PPP2R5C: variants seen among roughly 807,000 people sequenced by gnomAD.
The protein encoded by PPP2R5C is serine/threonine-protein phosphatase 2A 56 kDa regulatory subunit gamma isoform.
PPP2R5C carries 7 observed loss-of-function variants against 68.9 expected under a neutral mutation model. The ratio of observed to expected loss-of-function variants is 0.10; its 90% confidence interval spans 0.06 to 0.19. The LOEUF (loss-of-function observed/expected upper bound fraction) is 0.19. PPP2R5C is among the 10% of genes least tolerant of loss of function. The pLI is 1.00. For synonymous variants in PPP2R5C, 210 were observed against 222.2 expected (o/e 0.95, Z 0.49); for missense variants, 348 against 641.3 (o/e 0.54, Z 4.94).
intron 7 of PPP2R5C, among the ~76,000 whole-genome samples, chr14:101,894,017 A>G (rs1462903425): frequency 6.6e-6 from 1 of 152,266 alleles, no homozygotes; most frequent in African/African-American, 2.4e-5. Context: ...AGCTTATGGT[A>G]GGGGCTAAAT....
At chr14:101,775,859 G>A (rs2037390189) in intron 2 of PPP2R5C, among the ~76,000 whole-genome samples, 1 of 151,704 alleles carries the variant, frequency 6.6e-6, no homozygotes, top group Non-Finnish European at 1.5e-5. Flanking sequence ...CCCAGCCAGA[G>A]ACTCCAGAAT....
intron 1 of PPP2R5C, chr14:101,836,082 A>C (rs1193957415): frequency 6.4e-6 from 4 of 620,536 alleles, no homozygotes; most frequent in Non-Finnish European, 8.6e-6. Context: ...AATTTTTTTA[A>C]TTACTTAAGG....
upstream of PPP2R5C, among the ~76,000 whole-genome samples, chr14:101,761,635 A>C (rs1037630053): frequency 7.6e-3 from 16 of 2,092 alleles, no homozygotes; most frequent in South Asian, 0.032. Context: ...GGGGGGTGGG[A>C]GGAGAGGGGC....
intron 1 of PPP2R5C, among the ~76,000 whole-genome samples, chr14:101,812,785 C>T (rs1202410307): frequency 6.6e-6 from 1 of 152,192 alleles, no homozygotes; most frequent in Admixed American, 6.5e-5. Context: ...GGCTATGGCC[C>T]AGCTTTCCCA....
At chr14:101,827,626 T>G (rs901762634) in intron 1 of PPP2R5C, among the ~76,000 whole-genome samples, 6 of 152,232 alleles carry the variant, frequency 3.9e-5, no homozygotes, top group Non-Finnish European at 7.3e-5. Flanking sequence ...GATTTGGATC[T>G]TGTCAATTTT....
chr14:101,870,885 T>A (rs1432217104), intron 2 of PPP2R5C, among the ~76,000 whole-genome samples: 1 of 152,224 alleles, frequency 6.6e-6, no homozygotes, highest in Non-Finnish European at 1.5e-5. Context: ...TCATTGTAAA[T>A]AGATCTGTTT....
chr14:101,811,738 A>G (rs774672135), intron 1 of PPP2R5C, among the ~76,000 whole-genome samples: 4 of 152,244 alleles, frequency 2.6e-5, no homozygotes, highest in Non-Finnish European at 4.4e-5. Flanking sequence ...ACTTATAAAT[A>G]ACATAAATCT....
At chr14:101,884,769 A>G (rs1269849544) in intron 5 of PPP2R5C, among the ~76,000 whole-genome samples, 1 of 152,162 alleles carries the variant, frequency 6.6e-6, no homozygotes. Context: ...AGGCTTCCTG[A>G]AACATCCCTT....
In PPP2R5C at chr14:101,859,968, G is replaced by C. The variant is rs537763516; in HGVS notation, c.294+3083G>C. Among the ~76,000 whole-genome samples, 10 of 150,194 alleles carry C rather than the reference G, an allele frequency of 6.7e-5. No individual in the cohort carries two copies. The South Asian group carries it at 1.7e-3, about 25-fold the overall frequency. Reference sequence around the variant, plus strand: ...TTATAGTTGTTGTACTCCTGATGCTGCTACTTTTAAGTATCCTGCTTATTA... The same window carrying C: ...TTATAGTTGTTGTACTCCTGATGCTCCTACTTTTAAGTATCCTGCTTATTA... On this transcript the variant is annotated intron_variant, in intron 2 of 13. Transcript: ENST00000334743.
chr14:101,847,605 A>G (rs988105911), intron 1 of PPP2R5C, among the ~76,000 whole-genome samples: 2 of 150,270 alleles, frequency 1.3e-5, no homozygotes, highest in Non-Finnish European at 3.0e-5. Context: ...TATGTATGGG[A>G]TGCGTTTGCG....
At chr14:101,848,259 G>A (rs1004644912) in intron 1 of PPP2R5C, among the ~76,000 whole-genome samples, 5 of 152,068 alleles carry the variant, frequency 3.3e-5, no homozygotes, top group Admixed American at 1.3e-4. Flanking sequence ...GGGGCCGGGC[G>A]TGGTGGCTTA....
chr14:101,811,861 A>AT (rs560201363), intron 1 of PPP2R5C, among the ~76,000 whole-genome samples: 140 of 150,404 alleles, frequency 9.3e-4, no homozygotes, highest in African/African-American at 3.1e-3. Context: ...AACCACATTG[A>AT]TTTTTTTTTT....
chr14:101,902,669 G>A (rs7151429), intron 9 of PPP2R5C, among the ~76,000 whole-genome samples: 3,517 of 152,320 alleles, frequency 0.023, 108 homozygotes, highest in Middle Eastern at 0.071. Context: ...GGGCCAGGTG[G>A]CGTGTGCAGC....
At chr14:101,907,965 G>A (rs746921853) in intron 10 of PPP2R5C, among the ~76,000 whole-genome samples, 11 of 152,142 alleles carry the variant, frequency 7.2e-5, no homozygotes, top group Non-Finnish European at 1.6e-4. Context: ...GAGGGTTGCC[G>A]CCCAGAAATT....
chr14:101,795,171 G>A, intron 3 of PPP2R5C, among the ~76,000 whole-genome samples: 1 of 152,120 alleles, frequency 6.6e-6, no homozygotes, highest in South Asian at 2.1e-4. Flanking sequence ...TATCGTTGTT[G>A]TTCACATCTT....
chr14:101,762,724 G>A (rs1309197965), intron 1 of PPP2R5C, among the ~76,000 whole-genome samples, 181 bp from the exon 2 acceptor site: 1 of 152,108 alleles, frequency 6.6e-6, no homozygotes, highest in Non-Finnish European at 1.5e-5. Flanking sequence ...CTGAATGGGG[G>A]TTGGGGGGCA....
rs2046643848 is a variant in PPP2R5C at position 101,915,958 on chromosome 14, CCGCGG to C, written c.1327-1871_1327-1867del. ...CCCAGTCAGACTTGAGGGAAGGTGC[CCGCGG>C]CAGAGGTAGAGAAAAGCAGGGACAC... is the stretch of plus-strand genomic sequence containing the variant. On this transcript the variant is annotated intron_variant, in intron 12 of 13. Transcript: ENST00000334743. This position sits in a 1 kb window ranked among gnomAD's most constrained non-coding sequence, Gnocchi z 4.2. 6.6e-6 allele frequency among the ~76,000 whole-genome samples: 1 copy of C among 152,072 alleles called. No homozygotes were observed. The highest frequency in any genetic ancestry group is 2.1e-4 in the South Asian group (1 of 4,824).
chr14:101,788,302 T>C (rs1044528848), intron 3 of PPP2R5C, among the ~76,000 whole-genome samples: 11 of 152,260 alleles, frequency 7.2e-5, no homozygotes, highest in Non-Finnish European at 1.6e-4. Context: ...AAATGCCATA[T>C]GATTTTTCTC....
At chr14:101,863,370 G>T (rs1438454664) in intron 2 of PPP2R5C, among the ~76,000 whole-genome samples, 1 of 151,818 alleles carries the variant, frequency 6.6e-6, no homozygotes, top group Non-Finnish European at 1.5e-5. Context: ...CTGGCCTCTA[G>T]TAATAATCCT....
Sources: gnomAD v4.1 joint callset for allele counts (sites outside exome capture counted in the v4.1 genomes callset) on GRCh38, gnomAD v4.1.1 for gene constraint, Gnocchi (gnomAD v3.1) non-coding constraint, MANE v1.5 for transcripts, NCBI Gene and HGNC (gene_info 2026-07-23, HGNC 2026-07-21) for gene names.